Variants in LINC00632 observed in about 807,000 individuals in gnomAD.
LINC00632 encodes the protein long independently transcribed non-coding RNA 632, also known as ALDOA related specific transcript.
At chrX:140,775,391 A>G (rs1453091574) in exon 5 of LINC00632, among the ~76,000 whole-genome samples, 1 of 112,437 alleles carries the variant, frequency 8.9e-6, no homozygotes, top group Non-Finnish European at 1.9e-5. Flanking sequence ...CCACAAAGCC[A>G]GAGATACGAC....
chrX:140,791,197 C>T (rs59921433), exon 5 of LINC00632, among the ~76,000 whole-genome samples: 5,914 of 110,958 alleles, frequency 0.053, 195 homozygotes, highest in Admixed American at 0.18. Context: ...ATAATTTTAT[C>T]AGGGATGGAT....
intron 3 of LINC00632, among the ~76,000 whole-genome samples, chrX:140,740,426 A>G (rs760398888): frequency 2.7e-5 from 3 of 111,667 alleles, no homozygotes; most frequent in Non-Finnish European, 5.6e-5. Context: ...CACAGGAAGT[A>G]CATTATCTCA....
At chrX:140,772,535 G>C (rs943866881) in exon 4 of LINC00632, 38 of 286,528 alleles carry the variant, frequency 1.3e-4, no homozygotes, top group African/African-American at 9.5e-4. Context: ...TGCAAGAAGA[G>C]TAAAGAGGGC....
exon 5 of LINC00632, among the ~76,000 whole-genome samples, chrX:140,776,570 G>A (rs1052177885): frequency 8.9e-6 from 1 of 112,791 alleles, no homozygotes; most frequent in Non-Finnish European, 1.9e-5. Context: ...CGGGGGTGTC[G>A]CGCGCTGGCC....
exon 5 of LINC00632, among the ~76,000 whole-genome samples, chrX:140,778,759 T>C (rs1931903470): frequency 8.9e-6 from 1 of 111,922 alleles, no homozygotes; most frequent in Non-Finnish European, 1.9e-5. Context: ...ACTCTTAATA[T>C]AAATAATAAA....
exon 5 of LINC00632, chrX:140,784,449 A>G: frequency 1.7e-5 from 19 of 1,093,946 alleles, no homozygotes; most frequent in Non-Finnish European, 2.4e-5. Context: ...GTCTTCCTAT[A>G]TCTCCAGGTC....
exon 5 of LINC00632, chrX:140,782,340 T>G (rs1931945966): frequency 8.9e-6 from 1 of 111,980 alleles, no homozygotes; most frequent in Admixed American, 9.5e-5. Context: ...TCCAACATCT[T>G]TAATTACCAG....
chrX:140,752,336 G>T lies in LINC00632; in HGVS notation n.191+18372G>T, dbSNP rs1324094427. Among the ~76,000 whole-genome samples the T allele has an allele frequency of 3.6e-5, 4 of 111,667 alleles. No homozygotes were observed. In the Admixed American group the frequency reaches 3.8e-4, roughly 11 times the overall value. On this transcript the variant is annotated intron_variant and non_coding_transcript_variant, in intron 3 of 4. Transcript: ENST00000648200. ...GCCCCTAGATGTTTTGTGAGGAAGG[G>T]CCTGTCTGTCTCTAACATCAACAAT...
chrX:140,728,633 G>A (rs1049884006), intron 2 of LINC00632, among the ~76,000 whole-genome samples: 1 of 111,411 alleles, frequency 9.0e-6, no homozygotes, highest in Non-Finnish European at 1.9e-5. Flanking sequence ...CCACAACAAC[G>A]TGGAAAACTT....
chrX:140,736,634 A>C (rs1931149748), intron 3 of LINC00632, among the ~76,000 whole-genome samples: 1 of 107,118 alleles, frequency 9.3e-6, no homozygotes, highest in Non-Finnish European at 1.9e-5. Flanking sequence ...ACGGTGTTTC[A>C]CCATGTTGGC....
chrX:140,753,645 G>A (rs1250394266), intron 3 of LINC00632, among the ~76,000 whole-genome samples: 3 of 109,090 alleles, frequency 2.8e-5, no homozygotes, highest in South Asian at 3.9e-4. Flanking sequence ...GATATGTTTC[G>A]TTATATGAAA....
At chrX:140,735,205 T>C (rs1470683010) in intron 3 of LINC00632, among the ~76,000 whole-genome samples, 1 of 111,947 alleles carries the variant, frequency 8.9e-6, no homozygotes, top group African/African-American at 3.2e-5. Context: ...TCAGAAAATT[T>C]TGTTCCCATA....
Position 140,721,386 on chromosome X carries a change from C to T in LINC00632, n.104+9730C>T, listed in dbSNP as rs763146258. Among the ~76,000 whole-genome samples, 30 of 111,545 alleles carry T rather than the reference C, an allele frequency of 2.7e-4. No homozygotes were observed. The East Asian group carries it at 8.0e-3, about 30-fold the overall frequency. On this transcript the variant is annotated intron_variant and non_coding_transcript_variant, in intron 2 of 4. Coordinates refer to ENST00000648200, the Ensembl canonical transcript of LINC00632. ...ACTTTTGTGGAAGACAGTTTTTCCA[C>T]GGACTGGGGGTGAGGTGGGAGGGGT...
rs1354239986 is a variant in LINC00632, at chrX:140,789,419, C to G, written n.17438C>G. ...TTATAGATAATGCTATATAAAGCATCTTTACAATCTATTATTTATTTAATT... is the reference window on the plus strand; with the variant it reads ...TTATAGATAATGCTATATAAAGCATGTTTACAATCTATTATTTATTTAATT... On this transcript the variant is annotated non_coding_transcript_exon_variant, in exon 5 of 5. Coordinates refer to ENST00000648200, the Ensembl canonical transcript of LINC00632. Among the ~76,000 whole-genome samples, 5 of 107,896 alleles carry G rather than the reference C, an allele frequency of 4.6e-5. No homozygotes were observed. In the Admixed American group the frequency reaches 5.0e-4, roughly 11 times the overall value. The allele number at this position is 107,896 out of a possible 115,157, so 93.7% of individuals were successfully genotyped here. A position where few individuals can be genotyped will look rare whatever the true frequency, so the allele number is the denominator to read the frequency against.
exon 5 of LINC00632, among the ~76,000 whole-genome samples, chrX:140,778,649 A>C (rs1931902357): frequency 1.8e-5 from 2 of 110,299 alleles, no homozygotes; most frequent in Non-Finnish European, 3.8e-5. Context: ...CTGTTTTGAT[A>C]ATTTTACCAT....
intron 3 of LINC00632, among the ~76,000 whole-genome samples, chrX:140,739,421 A>T (rs766752743): frequency 9.1e-6 from 1 of 110,327 alleles, no homozygotes; most frequent in South Asian, 4.0e-4. Context: ...GGGTTTCTCC[A>T]TGTTGGTCAG....
At chrX:140,764,591 A>G (rs1039207320) in intron 3 of LINC00632, 2 of 112,309 alleles carry the variant, frequency 1.8e-5, no homozygotes, top group African/African-American at 6.5e-5. Context: ...CGTGGCACAG[A>G]ACGGCACTGC....
At chrX:140,716,703 C>A (rs1414196755) in intron 2 of LINC00632, among the ~76,000 whole-genome samples, 1 of 108,671 alleles carries the variant, frequency 9.2e-6, no homozygotes, top group African/African-American at 3.4e-5. Flanking sequence ...CTCTATAACA[C>A]ATCCCACAAT....
chrX:140,715,199 T>C (rs941866971), intron 2 of LINC00632, among the ~76,000 whole-genome samples: 2 of 111,676 alleles, frequency 1.8e-5, no homozygotes, highest in African/African-American at 6.5e-5. Flanking sequence ...CCCACAATAC[T>C]GATGCAACCC....
Sources: allele counts gnomAD v4.1 joint callset (sites outside exome capture counted in the v4.1 genomes callset), GRCh38; gene constraint gnomAD v4.1.1; transcripts MANE v1.5; gene names NCBI Gene and HGNC (gene_info 2026-07-23, HGNC 2026-07-21).